PTPRG: variants seen among roughly 807,000 people sequenced by gnomAD.
The protein encoded by PTPRG is receptor-type tyrosine-protein phosphatase gamma.
A neutral mutation model predicts 165.3 loss-of-function variants in PTPRG; 102 were observed. The observed-to-expected ratio is 0.62, with a 90% CI of 0.53 to 0.73. The LOEUF is 0.73. PTPRG is among the 30% of genes least tolerant of loss of function. The pLI, the probability that PTPRG is intolerant of heterozygous loss-of-function variation, is 0.00. For missense variants in PTPRG, 1,866 were observed against 1,861.4 expected, an observed-to-expected ratio of 1.00 and a Z score of -0.05; for synonymous variants, 675 against 669.5, an observed-to-expected ratio of 1.01 and a Z score of -0.13.
At chr3:62,080,235 A>ATT (rs3068435) in intron 5 of PTPRG, among the ~76,000 whole-genome samples, 2,799 of 146,270 alleles carry the variant, frequency 0.019, 84 homozygotes, top group African/African-American at 0.067. Flanking sequence ...TGCCCAGCTA[A>ATT]TTTTTTTTTT....
chr3:62,022,376 G>C (rs987809052), intron 4 of PTPRG, among the ~76,000 whole-genome samples: 1 of 152,238 alleles, frequency 6.6e-6, no homozygotes, highest in South Asian at 2.1e-4. Context: ...CTAGGACTTG[G>C]CAGAACAATA....
At chr3:61,993,505 C>T (rs367722280) in intron 3 of PTPRG, among the ~76,000 whole-genome samples, 13 of 152,272 alleles carry the variant, frequency 8.5e-5, no homozygotes, top group African/African-American at 2.9e-4. Flanking sequence ...ACGCATGAGC[C>T]TCCGTGCCCG....
At chr3:61,650,085 A>G (rs1230020752) in intron 1 of PTPRG, among the ~76,000 whole-genome samples, 1 of 152,224 alleles carries the variant, frequency 6.6e-6, no homozygotes, top group Non-Finnish European at 1.5e-5. Context: ...CCCAGAAGGA[A>G]AAATAAAACC....
chr3:61,977,720 T>C (rs1290180825), intron 2 of PTPRG, among the ~76,000 whole-genome samples: 1 of 152,218 alleles, frequency 6.6e-6, no homozygotes, highest in Non-Finnish European at 1.5e-5. Flanking sequence ...GAGTATAAAA[T>C]AATAAGTAGT....
chr3:62,058,628 G>A (rs1370968922), intron 4 of PTPRG, among the ~76,000 whole-genome samples: 1 of 152,148 alleles, frequency 6.6e-6, no homozygotes, highest in Non-Finnish European at 1.5e-5. Flanking sequence ...TATGTCCTGA[G>A]TATGTAGGCC....
At chr3:61,833,356 A>G (rs1361767722) in intron 2 of PTPRG, among the ~76,000 whole-genome samples, 1 of 152,174 alleles carries the variant, frequency 6.6e-6, no homozygotes, top group African/African-American at 2.4e-5. Context: ...AAAAACGTGC[A>G]GAAGAAATCT....
At chr3:61,707,349 T>TG (rs1449199524) in intron 1 of PTPRG, among the ~76,000 whole-genome samples, 1 of 152,186 alleles carries the variant, frequency 6.6e-6, no homozygotes, top group African/African-American at 2.4e-5. Context: ...CATCGGATTA[T>TG]GGGGGGTGAC....
At chr3:62,264,967 A>G (rs1654784226) in intron 17 of PTPRG, among the ~76,000 whole-genome samples, 1 of 152,068 alleles carries the variant, frequency 6.6e-6, no homozygotes, top group Non-Finnish European at 1.5e-5. Flanking sequence ...ATTTAAAAAA[A>G]AAAAAAAAAC....
chr3:62,066,475 G>A (rs1701016347), intron 4 of PTPRG, among the ~76,000 whole-genome samples: 1 of 151,756 alleles, frequency 6.6e-6, no homozygotes, highest in African/African-American at 2.4e-5. Context: ...TTACTCCCAA[G>A]TACAAAGCAA....
rs9833174 is a variant in PTPRG at position 62,170,383 on chromosome 3, A to G, written c.1033+2220A>G. Among the ~76,000 whole-genome samples the G allele has an allele frequency of 9.8e-3, 1,485 of 152,286 alleles. 26 individuals are homozygous for G. The highest frequency in any genetic ancestry group is 0.034 in the African/African-American group (1,423 of 41,548). On this transcript the variant is annotated intron_variant, in intron 8 of 29. Transcript: ENST00000474889. ...TGGATTGGGGGGGTGAGGAATTCCT[A>G]TCACAAGTGAGTGCAAGATCTGATA... is the stretch of plus-strand genomic sequence containing the variant.
chr3:62,285,644 A>AAG (rs1702622860), intron 28 of PTPRG, among the ~76,000 whole-genome samples: 1 of 152,076 alleles, frequency 6.6e-6, no homozygotes, highest in African/African-American at 2.4e-5. Flanking sequence ...CAGCTTAAAG[A>AAG]CAAACTGCTT....
chr3:61,582,494 G>T (rs1365855140), intron 1 of PTPRG, among the ~76,000 whole-genome samples: 1 of 152,174 alleles, frequency 6.6e-6, no homozygotes, highest in Non-Finnish European at 1.5e-5. Context: ...CAATTTATCC[G>T]AAGTGGCGAG....
chr3:61,922,481 AGT>A (rs143673622), intron 2 of PTPRG, among the ~76,000 whole-genome samples: 16 of 151,736 alleles, frequency 1.1e-4, no homozygotes, highest in African/African-American at 2.9e-4. Context: ...TGTCTGTGTG[AGT>A]GTGTGTGTGT....
rs2106841261 is a variant in PTPRG at position 62,203,790 on chromosome 3, C to T, written c.1995C>T (p.Gly665=). The T allele has an allele frequency of 1.2e-6, 2 of 1,613,370 alleles. No homozygotes were observed. The highest frequency in any genetic ancestry group is 1.3e-5 in the African/African-American group (1 of 75,044). The change falls in exon 12 of 30, where the codon GGC becomes GGT. Residue 665 remains glycine, a synonymous_variant. Transcript: ENST00000474889. This position sits in a 1 kb window ranked among gnomAD's most constrained non-coding sequence, Gnocchi z 6.4. ...GCGGAAGGAGGGATGCCGGCCCAGG[C>T]CTGGACCCCGACATGGTCACCTCCA... ...QTGGRRDAGP[G]LDPDMVTSTQ...
At chr3:61,972,156 A>G (rs2040399552) in intron 2 of PTPRG, among the ~76,000 whole-genome samples, 1 of 152,252 alleles carries the variant, frequency 6.6e-6, no homozygotes, top group Non-Finnish European at 1.5e-5. Context: ...ATAAAGTGAC[A>G]TATGAGGACC....
chr3:61,779,167 A>G (rs1293263636), intron 2 of PTPRG, among the ~76,000 whole-genome samples: 1 of 152,172 alleles, frequency 6.6e-6, no homozygotes, highest in Admixed American at 6.5e-5. Flanking sequence ...CTCTTTTGAG[A>G]TACCTCATTT....
At chr3:61,845,112 T>C (rs1173586684) in intron 2 of PTPRG, among the ~76,000 whole-genome samples, 1 of 152,228 alleles carries the variant, frequency 6.6e-6, no homozygotes, top group African/African-American at 2.4e-5. Context: ...TGTCACACTT[T>C]CCCCAGCAAC....
intron 6 of PTPRG, among the ~76,000 whole-genome samples, chr3:62,140,851 C>CA (rs58630476): frequency 0.046 from 3,229 of 70,458 alleles, 112 homozygotes; most frequent in Non-Finnish European, 0.05. Context: ...GACTCGGTCT[C>CA]AAAAAAAAAA....
At chr3:61,790,267 G>T (rs1487050506) in intron 2 of PTPRG, among the ~76,000 whole-genome samples, 1 of 152,164 alleles carries the variant, frequency 6.6e-6, no homozygotes, top group African/African-American at 2.4e-5. Flanking sequence ...TTGCTGGGGT[G>T]GTGAACCATT....
Sources: allele counts gnomAD v4.1 joint callset (sites outside exome capture counted in the v4.1 genomes callset), GRCh38; gene constraint gnomAD v4.1.1; non-coding constraint Gnocchi (gnomAD v3.1); transcripts MANE v1.5; gene names NCBI Gene and HGNC (gene_info 2026-07-23, HGNC 2026-07-21).